Variants in RTN1 observed in about 807,000 individuals in gnomAD.
RTN1 encodes the protein reticulon-1.
A neutral mutation model predicts 65.5 loss-of-function variants in RTN1; 25 were observed. The observed-to-expected ratio is 0.38, with a 90% confidence interval of 0.28 to 0.53. The LOEUF is 0.53. RTN1 is among the 20% of genes least tolerant of loss of function. The pLI is 0.79. For missense variants in RTN1, 983 were observed against 1,025.4 expected, an observed-to-expected ratio of 0.96 and a Z score of 0.57; for synonymous variants, 471 against 447.6, an observed-to-expected ratio of 1.05 and a Z score of -0.66.
chr14:59,765,471 T>C (rs533206692), intron 1 of RTN1, among the ~76,000 whole-genome samples: 1 of 152,238 alleles, frequency 6.6e-6, no homozygotes, highest in Non-Finnish European at 1.5e-5. Context: ...GTTATTTGAT[T>C]TCTATATATT....
rs530260250 is a variant in RTN1, at chr14:59,727,215, A to G, written c.1469T>C (p.Met490Thr). 21 of 1,571,128 alleles carry G rather than the reference A, an allele frequency of 1.3e-5. No homozygotes were observed. In the East Asian group the frequency reaches 3.9e-4, roughly 29 times the overall value. ...GATGGCATCCAGGGCGCTGGGCTTC[A>G]TCGGGGGTGAGTCCTGCTCCCGCTT... ...SPKREQDSPP[M>T]KPSALDAIRE... The change falls in exon 3 of 9, where the codon ATG becomes ACG. Residue 490 changes from methionine (M) to threonine (T), a missense_variant. Physicochemically the swap from Met to Thr is moderately conservative, Grantham distance 81. This residue lies in a region of RTN1 where 818 missense variants were observed against 801.8 expected (regional missense o/e 1.02). Transcript: ENST00000267484. The surrounding 1 kb of genome is among the most constrained non-coding windows in gnomAD (Gnocchi z 4.2).
At chr14:59,752,413 G>A (rs776665003) in intron 1 of RTN1, among the ~76,000 whole-genome samples, 2 of 151,948 alleles carry the variant, frequency 1.3e-5, no homozygotes, top group Non-Finnish European at 2.9e-5. Flanking sequence ...CTCTGCCCTT[G>A]TAGCTTAATC....
intron 2 of RTN1, among the ~76,000 whole-genome samples, chr14:59,739,117 T>TA (rs2139497333): frequency 1.3e-5 from 2 of 151,942 alleles, no homozygotes; most frequent in African/African-American, 4.8e-5. Context: ...TTTACCTATA[T>TA]AAAAACCTGC....
Position 59,746,023 on chromosome 14 carries a change from C to T in RTN1, c.700G>A (p.Glu234Lys). The T allele has an allele frequency of 6.2e-7, 1 of 1,614,166 alleles. No homozygotes were observed. Among genetic ancestry groups the T allele is most frequent in the African/African-American group, 1.3e-5 (1 of 75,038 alleles). ...GGTTTGTCAGGTTCACGGACTCCTT[C>T]AGGTTTAATTGAGATGTCAGTGTCT... Reference protein sequence around the residue: ...NKDTDISIKPEGVREPDKPAP... With the variant: ...NKDTDISIKPKGVREPDKPAP... Residue 234 changes from glutamate (E) to lysine (K), a missense_variant, in exon 2 of 9, where the codon GAA (glutamate) becomes AAA (lysine). Around this residue, in one of 2 missense-constraint regions of RTN1, gnomAD observed 818 missense variants for 801.8 expected, o/e 1.02. Coordinates refer to ENST00000267484, the MANE Select transcript of RTN1 (RefSeq NM_021136.3).
At chr14:59,819,599 A>G (rs1022545579) in intron 1 of RTN1, among the ~76,000 whole-genome samples, 1 of 151,642 alleles carries the variant, frequency 6.6e-6, no homozygotes, top group Admixed American at 6.6e-5. Context: ...CTGCGCGACC[A>G]CTGTTGTCAG....
rs763582112 is a variant in RTN1 at position 59,766,857 on chromosome 14, A to G, written c.242-20376T>C. ...GAATTGTGAAGACAAGACAAATATA[A>G]TAATGATAAAACAAACTTGATAGTT... On this transcript the variant is annotated intron_variant, in intron 1 of 8. Transcript: ENST00000267484. This position sits in a 1 kb window ranked among gnomAD's most constrained non-coding sequence, Gnocchi z 4.4. 6.6e-6 allele frequency among the ~76,000 whole-genome samples: 1 copy of G among 152,242 alleles called. No individual in the cohort carries two copies. The highest frequency in any genetic ancestry group is 1.5e-5 in the Non-Finnish European group (1 of 68,048).
chr14:59,623,856 G>T (rs1029094543), intron 3 of RTN1, among the ~76,000 whole-genome samples: 5 of 152,148 alleles, frequency 3.3e-5, no homozygotes, highest in Non-Finnish European at 2.9e-5. Flanking sequence ...ATTTCTCATT[G>T]TACCTCTGTT....
chr14:59,745,639 T>C, intron 2 of RTN1, 69 bp downstream of exon 2: 1 of 1,316,150 alleles, frequency 7.6e-7, no homozygotes, highest in Non-Finnish European at 1.0e-6. Flanking sequence ...CATTCCTTAA[T>C]ATTTGTTTTA....
intron 1 of RTN1, among the ~76,000 whole-genome samples, chr14:59,782,018 C>A (rs1886164378): frequency 6.6e-6 from 1 of 152,048 alleles, no homozygotes; most frequent in South Asian, 2.1e-4. Flanking sequence ...ATGATAAAGG[C>A]AGCTTCATGA....
chr14:59,779,080 G>A (rs1360834221), intron 1 of RTN1, among the ~76,000 whole-genome samples: 1 of 152,114 alleles, frequency 6.6e-6, no homozygotes, highest in East Asian at 1.9e-4. Context: ...AGTGGTCCAG[G>A]GGAGCAGTAA....
At chr14:59,675,704 A>G (rs372978028) in intron 3 of RTN1, among the ~76,000 whole-genome samples, 26 of 152,086 alleles carry the variant, frequency 1.7e-4, no homozygotes, top group African/African-American at 5.8e-4. Context: ...CATCATGTAT[A>G]AGTGGTGGAG....
chr14:59,734,110 C>G (rs1884957270), intron 2 of RTN1, among the ~76,000 whole-genome samples: 1 of 152,168 alleles, frequency 6.6e-6, no homozygotes, highest in Non-Finnish European at 1.5e-5. Flanking sequence ...CAACTAAGGT[C>G]TGGAGTGGAC....
rs189418979 is a variant in RTN1 at position 59,604,182 on chromosome 14, G to A, written c.2113-261C>T. 2.3e-3 allele frequency: 562 copies of A among 239,798 alleles called. 2 individuals are homozygous for A. The highest frequency in any genetic ancestry group is 3.8e-3 in the Non-Finnish European group (458 of 119,864). 14.9% of individuals were successfully genotyped at this position (239,798 alleles called of 1,614,324 possible). ...ATCTACGAAGCTGTGGCCCTTGACC[G>A]GTTTTTGCATAGGCCCACGAGTTAA... On this transcript the variant is annotated intron_variant, in intron 5 of 8. Coordinates refer to ENST00000267484, the MANE Select transcript of RTN1 (RefSeq NM_021136.3).
intron 3 of RTN1, among the ~76,000 whole-genome samples, chr14:59,647,981 A>C (rs1458642342): frequency 6.6e-6 from 1 of 152,198 alleles, no homozygotes; most frequent in Non-Finnish European, 1.5e-5. Flanking sequence ...AAAGCCATGA[A>C]AAAATAAGCA....
Position 59,790,588 on chromosome 14 carries a change from G to A in RTN1, c.242-44107C>T, listed in dbSNP as rs772888032. On this transcript the variant is annotated intron_variant, in intron 1 of 8. Coordinates refer to ENST00000267484, the MANE Select transcript of RTN1 (RefSeq NM_021136.3). This position sits in a 1 kb window ranked among gnomAD's most constrained non-coding sequence, Gnocchi z 4.1. ...ATGCCTGAAGAATTCATTCTCTGGCGTCAAAGCTTAACCAGAGAATATATG... is the reference window on the plus strand; with the variant it reads ...ATGCCTGAAGAATTCATTCTCTGGCATCAAAGCTTAACCAGAGAATATATG... Among the ~76,000 whole-genome samples the A allele has an allele frequency of 1.3e-5, 2 of 152,122 alleles. No homozygotes were observed. The highest frequency in any genetic ancestry group is 2.9e-5 in the Non-Finnish European group (2 of 68,008).
At chr14:59,714,856 G>A (rs562522026) in intron 3 of RTN1, among the ~76,000 whole-genome samples, 2 of 152,218 alleles carry the variant, frequency 1.3e-5, no homozygotes, top group African/African-American at 2.4e-5. Context: ...CAGGAGGGGA[G>A]CGGCAGGTGA....
chr14:59,801,611 C>G (rs142427023), intron 1 of RTN1, among the ~76,000 whole-genome samples: 1 of 152,212 alleles, frequency 6.6e-6, no homozygotes, highest in Non-Finnish European at 1.5e-5. Flanking sequence ...AAGTTATAGA[C>G]AGTTCTGCAG....
chr14:59,652,631 G>C (rs1169714449), intron 3 of RTN1, among the ~76,000 whole-genome samples: 1 of 151,886 alleles, frequency 6.6e-6, no homozygotes, highest in East Asian at 1.9e-4. Context: ...TAAATGATGA[G>C]AACACATGGA....
At chr14:59,750,256 A>T (rs368646763) in intron 1 of RTN1, among the ~76,000 whole-genome samples, 502 of 26,148 alleles carry the variant, frequency 0.019, 27 homozygotes, top group African/African-American at 0.041. Context: ...TATAATATAT[A>T]ATATATATAA....
Sources: allele counts gnomAD v4.1 joint callset (sites outside exome capture counted in the v4.1 genomes callset), GRCh38; gene constraint gnomAD v4.1.1; regional missense constraint gnomAD v4.1.1; non-coding constraint Gnocchi (gnomAD v3.1); transcripts MANE v1.5; gene names NCBI Gene and HGNC (gene_info 2026-07-23, HGNC 2026-07-21).